NLRP14: variants seen among roughly 807,000 people sequenced by gnomAD.
NLRP14 encodes NLR family pyrin domain containing 14.
Under a neutral mutation model 94.7 loss-of-function variants are expected in NLRP14, and 105 were observed. The observed-to-expected ratio is 1.11, with a 90% CI of 0.95 to 1.30. The LOEUF is 1.30. NLRP14 is among the 50% of genes most tolerant of loss of function. NLRP14 has a pLI of 0.00. For synonymous variants in NLRP14, 508 were observed against 459.9 expected (o/e 1.10, Z -1.34); for missense variants, 1,362 against 1,254.1 (o/e 1.09, Z -1.30).
At chr11:7,088,895 A>C in the NLRP14 span, 1 of 581,900 alleles carries the variant, frequency 1.7e-6, no homozygotes, top group Admixed American at 3.0e-5. Context: ...AGGAGACACA[A>C]AACTGCCGAC....
Position 7,043,037 on chromosome 11 carries a change from G to T in NLRP14, c.1011G>T (p.Glu337Asp). ...LLGMSEDARE[E>D]YIYQFFEDKR... is the part of the protein sequence containing the mutation. ...GAATGTCTGAGGATGCAAGAGAGGAGTATATTTACCAGTTTTTTGAAGATA... is the reference window on the plus strand; with the variant it reads ...GAATGTCTGAGGATGCAAGAGAGGATTATATTTACCAGTTTTTTGAAGATA... Residue 337 changes from glutamate (E) to aspartate (D), a missense_variant, in exon 4 of 12, where the codon GAG (glutamate) becomes GAT (aspartate). Glu to Asp is a conservative substitution (Grantham distance 45). Transcript: ENST00000299481. 6.2e-7 allele frequency: 1 copy of T among 1,614,136 alleles called. No individual in the cohort carries two copies. Among genetic ancestry groups the T allele is most frequent in the Non-Finnish European group, 8.5e-7 (1 of 1,180,004 alleles).
rs1458443117 is a variant in NLRP14, at chr11:7,043,331, A to G, written c.1305A>G (p.Ile435Met). 6.2e-7 allele frequency: 1 copy of G among 1,614,200 alleles called. No individual in the cohort carries two copies. Among genetic ancestry groups the G allele is most frequent in the Non-Finnish European group, 8.5e-7 (1 of 1,180,038 alleles). Reference sequence around the variant, plus strand: ...TGTGCCAAGTCGCTGCCAAAGGAATATGGACTATGACTTACGTGTTTTACA... The same window carrying G: ...TGTGCCAAGTCGCTGCCAAAGGAATGTGGACTATGACTTACGTGTTTTACA... ...RRLCQVAAKG[I>M]WTMTYVFYRE... Residue 435 changes from isoleucine (I) to methionine (M), a missense_variant, in exon 4 of 12, where the codon ATA becomes ATG. Physicochemically the swap from Ile to Met is conservative, Grantham distance 10. Coordinates refer to ENST00000299481, the MANE Select transcript of NLRP14 (RefSeq NM_176822.4).
At chr11:7,089,049 G>C in the NLRP14 span, 1 of 1,532,820 alleles carries the variant, frequency 6.5e-7, no homozygotes, top group Non-Finnish European at 8.9e-7. Context: ...CTCGACGAGC[G>C]AGCTCGAAGG....
chr11:7,071,489 G>A lies in NLRP14; in HGVS notation c.*181G>A, dbSNP rs778526543. Among the ~76,000 whole-genome samples, 4 of 147,812 alleles carry A rather than the reference G, an allele frequency of 2.7e-5. No individual in the cohort carries two copies. In the Admixed American group the frequency reaches 2.7e-4, roughly 10 times the overall value. On this transcript the variant is annotated 3_prime_UTR_variant, in exon 12 of 12. Transcript: ENST00000299481. ...GTCTGTTCTACTTCACACAGTGGTC[G>A]AGAGGCTAAAATAAAATGAAAAGCA...
intron 1 of NLRP14, among the ~76,000 whole-genome samples, chr11:7,034,205 C>T (rs142005406): frequency 2.6e-5 from 4 of 152,264 alleles, no homozygotes; most frequent in South Asian, 2.1e-4. Flanking sequence ...CTCATATATT[C>T]GGACATTTGT....
chr11:7,071,319 C>A lies in NLRP14; in HGVS notation c.*11C>A. The A allele has an allele frequency of 6.2e-7, 1 of 1,606,566 alleles. No individual in the cohort carries two copies. Among genetic ancestry groups the A allele is most frequent in the Non-Finnish European group, 8.5e-7 (1 of 1,173,838 alleles). The stretch of plus-strand genomic sequence containing the variant: ...TGGTGGTGTTTCTGATTTGAAGAAA[C>A]TGACATTCCTTTAAAAATATAAATA... On this transcript the variant is annotated 3_prime_UTR_variant, in exon 12 of 12. Transcript: ENST00000299481.
chr11:7,073,763 C>A (rs7131269), downstream of NLRP14, among the ~76,000 whole-genome samples: 90,803 of 152,076 alleles, frequency 0.6, 28,314 homozygotes, highest in East Asian at 0.91. Flanking sequence ...GAAAGAGACA[C>A]ATAGGGTGAG....
chr11:7,029,139 C>T (rs1280763808), intron 1 of NLRP14, among the ~76,000 whole-genome samples: 2 of 152,022 alleles, frequency 1.3e-5, no homozygotes, highest in Non-Finnish European at 1.5e-5. Flanking sequence ...AAATTAGGGG[C>T]CTATAAGGAA....
chr11:7,082,421 A>G, the NLRP14 span, among the ~76,000 whole-genome samples: 1 of 152,160 alleles, frequency 6.6e-6, no homozygotes, highest in Non-Finnish European at 1.5e-5. Flanking sequence ...AGTTCAGTCT[A>G]TTATCATATT....
At chr11:7,089,728 G>A in the NLRP14 span, 3 of 1,513,950 alleles carry the variant, frequency 2.0e-6, no homozygotes, top group Non-Finnish European at 1.8e-6. Flanking sequence ...CCCCCGCGCC[G>A]CGACCCCTAC....
the NLRP14 span, among the ~76,000 whole-genome samples, chr11:7,080,461 C>T: frequency 6.6e-6 from 1 of 152,146 alleles, no homozygotes; most frequent in East Asian, 1.9e-4. Flanking sequence ...GTGACCAATG[C>T]AAGATTAGAA....
intron 6 of NLRP14, among the ~76,000 whole-genome samples, chr11:7,053,269 T>C (rs1565021556): frequency 1.3e-5 from 2 of 151,872 alleles, no homozygotes; most frequent in Non-Finnish European, 2.9e-5. Flanking sequence ...GTTTGGAAAC[T>C]GTATTTAAGT....
the NLRP14 span, chr11:7,089,379 C>T: frequency 6.2e-7 from 1 of 1,603,620 alleles, no homozygotes; most frequent in Non-Finnish European, 8.5e-7. Context: ...GGCCACCAAA[C>T]CGGCGTTCGA....
chr11:7,040,218 T>A (rs935855418), intron 3 of NLRP14, among the ~76,000 whole-genome samples: 1 of 151,860 alleles, frequency 6.6e-6, no homozygotes, highest in Non-Finnish European at 1.5e-5. Context: ...AACACAGGGG[T>A]CCCCAACTCC....
Position 7,071,501 on chromosome 11 carries a change from T to G in NLRP14, c.*193T>G, listed in dbSNP as rs1445383010. ...TCACACAGTGGTCGAGAGGCTAAAA[T>G]AAAATGAAAAGCATAAAACTCTCTG... On this transcript the variant is annotated 3_prime_UTR_variant, in exon 12 of 12. Coordinates refer to ENST00000299481, the MANE Select transcript of NLRP14 (RefSeq NM_176822.4). Among the ~76,000 whole-genome samples, 2 of 136,112 alleles carry G rather than the reference T, an allele frequency of 1.5e-5. No homozygotes were observed. The highest frequency in any genetic ancestry group is 2.7e-5 in the African/African-American group (1 of 37,218). The allele number at this position is 136,112 out of a possible 152,430, so 89.3% of individuals were successfully genotyped here. A position where few individuals can be genotyped will look rare whatever the true frequency, so the allele number is the denominator to read the frequency against.
In NLRP14 at chr11:7,058,464, A is replaced by G; in HGVS notation, c.2633+14A>G. ...GAAGAGCCTTGTGTAAGTGTCTTCA[A>G]GTTTTTATCCTTAATATATATTGTA... On this transcript the variant is annotated intron_variant, in intron 8 of 11. Transcript: ENST00000299481. The G allele has an allele frequency of 1.3e-6, 2 of 1,575,332 alleles. No homozygotes were observed. The highest frequency in any genetic ancestry group is 1.7e-6 in the Non-Finnish European group (2 of 1,145,034).
chr11:7,032,569 C>T (rs1031659460), intron 1 of NLRP14, among the ~76,000 whole-genome samples: 1 of 152,072 alleles, frequency 6.6e-6, no homozygotes, highest in African/African-American at 2.4e-5. Context: ...TTTATATTAA[C>T]TCCTTTTATA....
chr11:7,079,654 C>T, the NLRP14 span, among the ~76,000 whole-genome samples: 22 of 152,286 alleles, frequency 1.4e-4, no homozygotes, highest in African/African-American at 5.3e-4. Flanking sequence ...CTTGGTGCCA[C>T]AAAGAAGAAC....
intron 1 of NLRP14, among the ~76,000 whole-genome samples, chr11:7,032,614 TG>T (rs1852113924): frequency 6.6e-6 from 1 of 152,222 alleles, no homozygotes; most frequent in Non-Finnish European, 1.5e-5. Flanking sequence ...TTTGTCATTT[TG>T]TTCTTTGAGA....
Sources: allele counts gnomAD v4.1 joint callset (sites outside exome capture counted in the v4.1 genomes callset), GRCh38; gene constraint gnomAD v4.1.1; transcripts MANE v1.5; gene names NCBI Gene and HGNC (gene_info 2026-07-23, HGNC 2026-07-21).